CATSPERB: variants seen among roughly 807,000 people sequenced by gnomAD.
The protein encoded by CATSPERB is cation channel sperm-associated auxiliary subunit beta.
A neutral mutation model predicts 128.3 loss-of-function variants in CATSPERB; 93 were observed. That is an observed-to-expected ratio of 0.72 (90% CI 0.61 to 0.86). The LOEUF (loss-of-function observed/expected upper bound fraction) is 0.86, where lower values mean the gene tolerates loss of function less well. Ranked by LOEUF, CATSPERB falls within the 40% of genes least tolerant of loss-of-function variation. The pLI is 0.00. For missense variants in CATSPERB, 1,153 were observed against 1,329.5 expected (o/e 0.87, Z 2.06); for synonymous variants, 381 against 448.8 (o/e 0.85, Z 1.91).
At chr14:91,592,029 C>T in intron 22 of CATSPERB, 27 bp from the exon 23 acceptor site, 2 of 1,437,896 alleles carry the variant, frequency 1.4e-6, no homozygotes, top group Non-Finnish European at 2.0e-6. Flanking sequence ...CAGATGTTGA[C>T]TTGTTTTTCT....
chr14:91,725,440 A>C (rs1245076598), intron 2 of CATSPERB, among the ~76,000 whole-genome samples: 6 of 152,250 alleles, frequency 3.9e-5, no homozygotes, highest in Admixed American at 1.3e-4. Context: ...GACAAAAACC[A>C]GTTCTTGACA....
Position 91,693,030 on chromosome 14 carries a change from T to C in CATSPERB, c.831+96A>G, listed in dbSNP as rs1453421995. 4.5e-6 allele frequency: 4 copies of C among 886,902 alleles called. No individual in the cohort carries two copies. In the Admixed American group the frequency reaches 9.3e-5, roughly 21 times the overall value. 54.9% of individuals were successfully genotyped at this position (886,902 alleles called of 1,614,324 possible). A position where few individuals can be genotyped will look rare whatever the true frequency, so the allele number is the denominator to read the frequency against. The stretch of plus-strand genomic sequence containing the variant: ...TCGAAAGAAAGAAGCATTTCAATTT[T>C]AAGATACACCACACATAACTCAAGT... On this transcript the variant is annotated intron_variant, in intron 9 of 26. Transcript: ENST00000256343.
chr14:91,584,938 T>C (rs1893270803), intron 26 of CATSPERB, among the ~76,000 whole-genome samples: 1 of 152,234 alleles, frequency 6.6e-6, no homozygotes, highest in African/African-American at 2.4e-5. Flanking sequence ...CTTGAATATG[T>C]AAACTTACGT....
intron 22 of CATSPERB, among the ~76,000 whole-genome samples, chr14:91,604,086 T>C (rs1261179041): frequency 2.0e-5 from 3 of 147,698 alleles, no homozygotes; most frequent in Non-Finnish European, 3.0e-5. Context: ...TGGACTGCAA[T>C]GGTGCAATCT....
At chr14:91,587,615 A>G (rs927888589) in intron 25 of CATSPERB, among the ~76,000 whole-genome samples, 2 of 150,824 alleles carry the variant, frequency 1.3e-5, no homozygotes, top group Middle Eastern at 3.4e-3. Context: ...GGTTTTCACA[A>G]TTATCTGTAT....
At chr14:91,725,695 G>A (rs1237803426) in intron 2 of CATSPERB, among the ~76,000 whole-genome samples, 2 of 152,142 alleles carry the variant, frequency 1.3e-5, no homozygotes, top group Admixed American at 6.5e-5. Context: ...ATGATTTGGT[G>A]GAGAGAACAG....
chr14:91,632,300 A>G (rs1894293750), intron 17 of CATSPERB, among the ~76,000 whole-genome samples: 1 of 152,174 alleles, frequency 6.6e-6, no homozygotes, highest in African/African-American at 2.4e-5. Context: ...ATCAATAACA[A>G]AAAAAGCTAC....
chr14:91,704,479 T>G, intron 7 of CATSPERB, 73 bp downstream of exon 7: 1 of 1,466,518 alleles, frequency 6.8e-7, no homozygotes, highest in Non-Finnish European at 9.2e-7. Context: ...CATTTATTTC[T>G]GCTGCCAGTT....
At chr14:91,593,456 C>T (rs1893447201) in intron 22 of CATSPERB, among the ~76,000 whole-genome samples, 1 of 152,226 alleles carries the variant, frequency 6.6e-6, no homozygotes, top group Non-Finnish European at 1.5e-5. Context: ...CTTGCATCAG[C>T]ATGACCTGGA....
In CATSPERB at chr14:91,630,385, C is replaced by T. The variant is rs1457978784; in HGVS notation, c.1743-5378G>A. On this transcript the variant is annotated intron_variant, in intron 17 of 26. Coordinates refer to ENST00000256343, the MANE Select transcript of CATSPERB (RefSeq NM_024764.4). ...TGAACAATTGCCAAATGCCAAGTTT[C>T]CACTCTGACTTTTCTGAGCTATGAA... Among the ~76,000 whole-genome samples, 3 of 152,164 alleles carry T rather than the reference C, an allele frequency of 2.0e-5. No homozygotes were observed. In the East Asian group the frequency reaches 5.8e-4, roughly 29 times the overall value.
At chr14:91,654,269 C>G (rs1157319996) in intron 15 of CATSPERB, among the ~76,000 whole-genome samples, 1 of 152,200 alleles carries the variant, frequency 6.6e-6, no homozygotes, top group Non-Finnish European at 1.5e-5. Flanking sequence ...TGGGTACCAG[C>G]TTGGCCACAG....
At chr14:91,703,557 A>G (rs1895686558) in intron 7 of CATSPERB, among the ~76,000 whole-genome samples, 1 of 152,204 alleles carries the variant, frequency 6.6e-6, no homozygotes, top group Non-Finnish European at 1.5e-5. Flanking sequence ...CTTCAGCCCC[A>G]CAGTGCATCT....
At chr14:91,606,929 T>C (rs894714569) in intron 22 of CATSPERB, among the ~76,000 whole-genome samples, 3 of 84,602 alleles carry the variant, frequency 3.5e-5, no homozygotes, top group African/African-American at 1.2e-4. Flanking sequence ...TAAAGTCATA[T>C]TTCAGTAGAG....
chr14:91,668,546 C>T (rs1327661655), intron 14 of CATSPERB, among the ~76,000 whole-genome samples: 5 of 152,168 alleles, frequency 3.3e-5, no homozygotes, highest in East Asian at 1.9e-4. Flanking sequence ...GAGCCAGCAA[C>T]GGCAAGCTAC....
intron 22 of CATSPERB, among the ~76,000 whole-genome samples, chr14:91,592,736 AC>A (rs1402473093): frequency 6.6e-6 from 1 of 152,128 alleles, no homozygotes; most frequent in Admixed American, 6.6e-5. Flanking sequence ...GAAAAGAAAA[AC>A]CCATTTTCTG....
intron 5 of CATSPERB, 32 bp from the exon 6 acceptor site, chr14:91,708,268 A>G (rs201845146): frequency 1.2e-5 from 16 of 1,344,638 alleles, no homozygotes; most frequent in Non-Finnish European, 1.7e-5. Context: ...ATAATCAACT[A>G]TTTTTTCATA....
At chr14:91,679,544 G>C (rs1895245203) in intron 11 of CATSPERB, among the ~76,000 whole-genome samples, 1 of 151,858 alleles carries the variant, frequency 6.6e-6, no homozygotes, top group African/African-American at 2.4e-5. Flanking sequence ...TTAGATTTTT[G>C]ATGGCTTAAA....
chr14:91,590,142 G>A (rs1951431), intron 23 of CATSPERB, among the ~76,000 whole-genome samples: 85,598 of 152,044 alleles, frequency 0.56, 24,983 homozygotes, highest in East Asian at 0.93. Context: ...GATAAATCAC[G>A]GAGAAGGCTT....
chr14:91,619,047 T>C (rs544908327), intron 19 of CATSPERB, among the ~76,000 whole-genome samples: 76 of 152,330 alleles, frequency 5.0e-4, no homozygotes, highest in Admixed American at 3.3e-3. Context: ...TGAACACATA[T>C]AACTGATTGA....
Sources: allele counts gnomAD v4.1 joint callset (sites outside exome capture counted in the v4.1 genomes callset), GRCh38; gene constraint gnomAD v4.1.1; transcripts MANE v1.5; gene names NCBI Gene and HGNC (gene_info 2026-07-23, HGNC 2026-07-21).